ACSL3: variants seen among roughly 807,000 people sequenced by gnomAD.
ACSL3 encodes fatty acid CoA ligase Acsl3.
In ACSL3, 34 loss-of-function variants were observed where a neutral mutation model predicts 84.7. That is an observed-to-expected ratio of 0.40 (90% CI 0.31 to 0.53). The LOEUF is 0.53. Ranked by LOEUF, ACSL3 falls within the 20% of genes least tolerant of loss-of-function variation. ACSL3 has a pLI of 0.48. For synonymous variants in ACSL3, 315 were observed against 299.4 expected (o/e 1.05, Z -0.54); for missense variants, 680 against 873.1 (o/e 0.78, Z 2.79).
chr2:222,879,017 A>AT (rs1175854233), intron 1 of ACSL3, among the ~76,000 whole-genome samples: 1 of 152,180 alleles, frequency 6.6e-6, no homozygotes, highest in Non-Finnish European at 1.5e-5. Context: ...CTTAAAAAAA[A>AT]CAACAACACA....
chr2:222,884,268 G>A (rs1695668772), intron 1 of ACSL3, among the ~76,000 whole-genome samples: 1 of 152,168 alleles, frequency 6.6e-6, no homozygotes, highest in Non-Finnish European at 1.5e-5. Flanking sequence ...AAAGTTAGAA[G>A]ACTTTTAAGA....
In ACSL3 at chr2:222,866,588, C is replaced by A. The variant is rs77450518; in HGVS notation, c.-207+5330C>A. ...TTGGTTCCAGAGTCCCTGTTCTTAACCTGGGCGCTGCATCTCCTCTCTGGA... is the reference window on the plus strand; with the variant it reads ...TTGGTTCCAGAGTCCCTGTTCTTAAACTGGGCGCTGCATCTCCTCTCTGGA... On this transcript the variant is annotated intron_variant, in intron 1 of 16. Coordinates refer to ENST00000357430, the MANE Select transcript of ACSL3 (RefSeq NM_004457.5). Among the ~76,000 whole-genome samples, 1,120 of 152,204 alleles carry A rather than the reference C, an allele frequency of 7.4e-3. 43 individuals are homozygous for A. The East Asian group carries it at 0.13, about 17-fold the overall frequency.
intron 8 of ACSL3, among the ~76,000 whole-genome samples, chr2:222,921,790 G>A (rs1416726383): frequency 1.3e-5 from 2 of 151,898 alleles, no homozygotes; most frequent in East Asian, 3.9e-4. Context: ...TTCAGTATTT[G>A]GTCTCTGATT....
rs1697370816 is a variant in ACSL3 at position 222,943,171 on chromosome 2, T to G, written c.*1517T>G. 4.4e-6 allele frequency: 1 copy of G among 225,560 alleles called. No homozygotes were observed. The highest frequency in any genetic ancestry group is 1.8e-4 in the South Asian group (1 of 5,442). 14.0% of individuals were successfully genotyped at this position (225,560 alleles called of 1,614,324 possible). On this transcript the variant is annotated 3_prime_UTR_variant, in exon 17 of 17. Transcript: ENST00000357430. ...AGTGTTAGGAGCAGCCAGGACTGTG[T>G]AGTGTGTGTTTGGTTGCATCACAAA... is the stretch of plus-strand genomic sequence containing the variant.
At chr2:222,918,731 T>C (rs1350763102) in intron 6 of ACSL3, among the ~76,000 whole-genome samples, 2 of 150,830 alleles carry the variant, frequency 1.3e-5, no homozygotes, top group Non-Finnish European at 1.5e-5. Flanking sequence ...TATTTTTATG[T>C]AGTCTCTTGA....
At chr2:222,863,762 G>A (rs1695069658) in intron 1 of ACSL3, among the ~76,000 whole-genome samples, 1 of 152,096 alleles carries the variant, frequency 6.6e-6, no homozygotes, top group African/African-American at 2.4e-5. Context: ...GCTGGATTGG[G>A]AAATATAGAT....
Position 222,944,579 on chromosome 2 carries a change from G to A in ACSL3, c.*2925G>A, listed in dbSNP as rs1432994684. On this transcript the variant is annotated 3_prime_UTR_variant, in exon 17 of 17. Transcript: ENST00000357430. ...GCTACATGGTATGGACTATTTATTT[G>A]TAATTTGACATAAAGTTTGAAGAAT... 2.0e-5 allele frequency: 3 copies of A among 146,484 alleles called. No individual in the cohort carries two copies. Among genetic ancestry groups the A allele is most frequent in the Non-Finnish European group, 4.5e-5 (3 of 66,834 alleles). The allele number at this position is 146,484 out of a possible 1,614,324, so 9.1% of individuals were successfully genotyped here.
intron 11 of ACSL3, among the ~76,000 whole-genome samples, 156 bp from the exon 12 acceptor site, chr2:222,926,861 T>C (rs751697356): frequency 2.6e-5 from 4 of 152,160 alleles, no homozygotes; most frequent in South Asian, 2.1e-4. Context: ...AAAATTAACA[T>C]TTGGGGCTCA....
In ACSL3 at chr2:222,944,351, G is replaced by C. The variant is rs975715637; in HGVS notation, c.*2697G>C. ...GAAAAAACTTTTAAAAATCTCTGATGTGTGGGCTCTTTTTTTCCCATAAGA... is the reference window on the plus strand; with the variant it reads ...GAAAAAACTTTTAAAAATCTCTGATCTGTGGGCTCTTTTTTTCCCATAAGA... On this transcript the variant is annotated 3_prime_UTR_variant, in exon 17 of 17. Coordinates refer to ENST00000357430, the MANE Select transcript of ACSL3 (RefSeq NM_004457.5). 1 of 152,138 alleles carries C rather than the reference G, an allele frequency of 6.6e-6. No homozygotes were observed. The highest frequency in any genetic ancestry group is 2.4e-5 in the African/African-American group (1 of 41,446). 9.4% of individuals were successfully genotyped at this position (152,138 alleles called of 1,614,324 possible). A position where few individuals can be genotyped will look rare whatever the true frequency, so the allele number is the denominator to read the frequency against.
At chr2:222,901,818 G>A (rs1196915629) in intron 3 of ACSL3, among the ~76,000 whole-genome samples, 3 of 151,808 alleles carry the variant, frequency 2.0e-5, no homozygotes, top group Admixed American at 6.6e-5. Flanking sequence ...GATTGAGCAC[G>A]CCTGTAGTCT....
chr2:222,934,332 C>T (rs981265705), intron 15 of ACSL3, among the ~76,000 whole-genome samples, 198 bp from the exon 16 acceptor site: 5 of 152,140 alleles, frequency 3.3e-5, no homozygotes, highest in Non-Finnish European at 5.9e-5. Context: ...TAGCAACGAA[C>T]TCTGCCAAAG....
At chr2:222,885,629 C>T (rs1395380494) in intron 1 of ACSL3, among the ~76,000 whole-genome samples, 1 of 152,098 alleles carries the variant, frequency 6.6e-6, no homozygotes, top group Non-Finnish European at 1.5e-5. Flanking sequence ...TTATTAATAA[C>T]AAGAAGATTT....
intron 2 of ACSL3, among the ~76,000 whole-genome samples, chr2:222,889,578 G>A (rs561825560): frequency 7.2e-5 from 11 of 152,224 alleles, no homozygotes; most frequent in Admixed American, 2.6e-4. Flanking sequence ...TGTGATTGTC[G>A]GATTGAAACA....
intron 4 of ACSL3, among the ~76,000 whole-genome samples, chr2:222,913,755 C>G (rs551262614): frequency 6.6e-6 from 1 of 152,246 alleles, no homozygotes; most frequent in South Asian, 2.1e-4. Flanking sequence ...ATGAGTTTGC[C>G]TGGGTTCATA....
chr2:222,936,608 T>C (rs1466113787), intron 16 of ACSL3, among the ~76,000 whole-genome samples: 76 of 131,234 alleles, frequency 5.8e-4, no homozygotes, highest in Admixed American at 7.4e-4. Flanking sequence ...TTCTGCACCC[T>C]CCCCCCCCAC....
chr2:222,930,673 G>A lies in ACSL3; in HGVS notation c.1593G>A (p.Gly531=), dbSNP rs370753963. 9 of 1,613,992 alleles carry A rather than the reference G, an allele frequency of 5.6e-6. No individual in the cohort carries two copies. The Admixed American group carries it at 6.7e-5, about 12-fold the overall frequency. Residue 531 remains glycine, a synonymous_variant, in exon 14 of 17, where the codon GGG becomes GGA. Coordinates refer to ENST00000357430, the MANE Select transcript of ACSL3 (RefSeq NM_004457.5). ...ACCCCAGGGGTGAAATTCTTATTGG[G>A]GGCCAAAGTGTGACAATGGGGTACT... ...KPHPRGEILI[G]GQSVTMGYYK...
At chr2:222,878,568 T>C (rs1695513875) in intron 1 of ACSL3, among the ~76,000 whole-genome samples, 1 of 152,218 alleles carries the variant, frequency 6.6e-6, no homozygotes, top group South Asian at 2.1e-4. Flanking sequence ...TATCCTACAA[T>C]TGAATATACT....
intron 9 of ACSL3, 31 bp downstream of exon 9, chr2:222,922,862 A>G (rs1696777391): frequency 1.2e-6 from 2 of 1,612,018 alleles, no homozygotes; most frequent in Admixed American, 1.7e-5. Flanking sequence ...TTGAAATACT[A>G]AAAAATCATA....
chr2:222,921,140 T>C (rs1696723779), intron 7 of ACSL3, 140 bp from the exon 8 acceptor site: 1 of 904,338 alleles, frequency 1.1e-6, no homozygotes, highest in Non-Finnish European at 1.8e-6. Flanking sequence ...TTTGTTGATC[T>C]CAGTATAACT....
Sources: gnomAD v4.1 joint callset for allele counts (sites outside exome capture counted in the v4.1 genomes callset) on GRCh38, gnomAD v4.1.1 for gene constraint, MANE v1.5 for transcripts, NCBI Gene and HGNC (gene_info 2026-07-23, HGNC 2026-07-21) for gene names.